The following CHMP5 variants were observed in gnomAD, a reference collection of about 807,000 sequenced individuals.
CHMP5 encodes the protein SNF7 domain containing 2.
Under a neutral mutation model 33.0 loss-of-function variants are expected in CHMP5, and 17 were observed. That is an observed-to-expected ratio of 0.52 (90% CI 0.35 to 0.77). The LOEUF (loss-of-function observed/expected upper bound fraction) is 0.77. CHMP5 is among the 30% of genes least tolerant of loss of function. The pLI is 0.01. For missense variants in CHMP5, 216 were observed against 261.5 expected, an observed-to-expected ratio of 0.83 and a Z score of 1.20; for synonymous variants, 76 against 90.2, an observed-to-expected ratio of 0.84 and a Z score of 0.89.
Position 33,279,073 on chromosome 9 carries a change from C to T in CHMP5, c.609+848C>T, listed in dbSNP as rs1418149298. 2.6e-5 allele frequency among the ~76,000 whole-genome samples: 4 copies of T among 152,196 alleles called. No homozygotes were observed. The East Asian group carries it at 5.8e-4, about 22-fold the overall frequency. ...CCAGGTAGCTGCGATTACAGGTGCG[C>T]GCCAACATGCCTGGCTAATTTTTGT... On this transcript the variant is annotated intron_variant, in intron 7 of 7. Coordinates refer to ENST00000223500, the MANE Select transcript of CHMP5 (RefSeq NM_016410.6).
chr9:33,271,157 T>C lies in CHMP5; in HGVS notation c.321T>C (p.Asp107=), dbSNP rs769705548. 1 of 1,611,598 alleles carries C rather than the reference T, an allele frequency of 6.2e-7. No individual in the cohort carries two copies. Among genetic ancestry groups the C allele is most frequent in the South Asian group, 1.1e-5 (1 of 91,024 alleles). The stretch of plus-strand genomic sequence containing the variant: ...TTTCTTCTTCCTTTTCTTAGGTTGA[T>C]GCTATGAAACTGGGAGTAAAGGAAA... ...QSLKDTKTTV[D]AMKLGVKEMK... Residue 107 remains aspartate (D), a synonymous_variant, in exon 5 of 8, where the codon GAT becomes GAC. Transcript: ENST00000223500.
In CHMP5 at chr9:33,280,983, T is replaced by C. The variant is rs1056466768; in HGVS notation, c.*124T>C. 1 of 645,660 alleles carries C rather than the reference T, an allele frequency of 1.5e-6. No homozygotes were observed. The highest frequency in any genetic ancestry group is 1.9e-5 in the African/African-American group (1 of 53,282). 40.0% of individuals were successfully genotyped at this position (645,660 alleles called of 1,614,324 possible). On this transcript the variant is annotated 3_prime_UTR_variant, in exon 8 of 8. Transcript: ENST00000223500. ...TCCTTTCTTTGAAGGAAAGTTTAATTACATTGCTCTTTTATTTTTTCCATT... is the reference window on the plus strand; with the variant it reads ...TCCTTTCTTTGAAGGAAAGTTTAATCACATTGCTCTTTTATTTTTTCCATT...
intron 7 of CHMP5, among the ~76,000 whole-genome samples, chr9:33,278,984 C>T (rs375541417): frequency 2.6e-5 from 4 of 152,068 alleles, no homozygotes; most frequent in Non-Finnish European, 5.9e-5. Flanking sequence ...AGTGCAGTGG[C>T]GTGATCTCAG....
At chr9:33,279,593 G>A (rs1336385405) in intron 7 of CHMP5, among the ~76,000 whole-genome samples, 2 of 152,094 alleles carry the variant, frequency 1.3e-5, no homozygotes, top group Non-Finnish European at 2.9e-5. Flanking sequence ...GCCAGGCGCG[G>A]TGGCTCAAGC....
At chr9:33,270,362 C>T (rs1199290817) in intron 3 of CHMP5, among the ~76,000 whole-genome samples, 2 of 152,180 alleles carry the variant, frequency 1.3e-5, no homozygotes, top group Admixed American at 1.3e-4. Context: ...TGCCTAACAA[C>T]ATATTTCTCA....
At chr9:33,277,235 G>C (rs1347803133) in intron 6 of CHMP5, among the ~76,000 whole-genome samples, 8 of 149,676 alleles carry the variant, frequency 5.3e-5, no homozygotes, top group Non-Finnish European at 1.2e-4. Context: ...CAAATACTTA[G>C]TGTGCATCTA....
intron 5 of CHMP5, among the ~76,000 whole-genome samples, chr9:33,272,236 C>G (rs1437898533): frequency 2.0e-5 from 3 of 151,974 alleles, no homozygotes; most frequent in African/African-American, 7.3e-5. Flanking sequence ...GCGCTCTTGA[C>G]CTTTACCCCC....
Position 33,265,093 on chromosome 9 carries a change from C to A in CHMP5, c.15C>A (p.Phe5Leu). The change falls in exon 1 of 8, where the codon TTC becomes TTA. Residue 5 changes from phenylalanine (F) to leucine (L), a missense_variant. Coordinates refer to ENST00000223500, the MANE Select transcript of CHMP5 (RefSeq NM_016410.6). MNRL[F>L]GKAKPKAPPP... ...GGCTGCTCAAGATGAACCGACTCTT[C>A]GGGAAAGCGAAACCCAAGGCTCCGC... The A allele has an allele frequency of 1.2e-6, 2 of 1,614,206 alleles. No homozygotes were observed. Among genetic ancestry groups the A allele is most frequent in the Non-Finnish European group, 1.7e-6 (2 of 1,180,030 alleles).
intron 3 of CHMP5, among the ~76,000 whole-genome samples, chr9:33,268,930 C>T (rs114339176): frequency 6.6e-6 from 1 of 152,026 alleles, no homozygotes; most frequent in Non-Finnish European, 1.5e-5. Flanking sequence ...TTTCCTTTTC[C>T]ACTTAATGTT....
At position 33,278,144 on chromosome 9, in the gene CHMP5, T is replaced by G; in HGVS notation, c.528T>G (p.Ala176=). ...ELDALGDELL[A]DEDSSYLDEA... ...ATGCACTAGGTGATGAGCTTCTGGC[T>G]GATGAAGACAGTTCTTATTTGGATG... is the stretch of plus-strand genomic sequence containing the variant. Residue 176 remains alanine, a synonymous_variant, in exon 7 of 8, where the codon GCT becomes GCG. Coordinates refer to ENST00000223500, the MANE Select transcript of CHMP5 (RefSeq NM_016410.6). 6.2e-7 allele frequency: 1 copy of G among 1,612,558 alleles called. No homozygotes were observed. Among genetic ancestry groups the G allele is most frequent in the Non-Finnish European group, 8.5e-7 (1 of 1,179,076 alleles).
chr9:33,271,194 T>A lies in CHMP5; in HGVS notation c.358T>A (p.Tyr120Asn). 1 of 1,614,018 alleles carries A rather than the reference T, an allele frequency of 6.2e-7. No homozygotes were observed. Among genetic ancestry groups the A allele is most frequent in the Non-Finnish European group, 8.5e-7 (1 of 1,179,878 alleles). Residue 120 changes from tyrosine to asparagine, a missense_variant, in exon 5 of 8, where the codon TAC becomes AAC. Physicochemically the swap from Tyr to Asn is moderately radical, Grantham distance 143. Transcript: ENST00000223500. ...KLGVKEMKKA[Y>N]KQVKIDQIED... ...GGGAGTAAAGGAAATGAAGAAGGCA[T>A]ACAAGCAAGTGAAGATCGACCAGAT... is the stretch of plus-strand genomic sequence containing the variant.
chr9:33,278,779 C>A (rs1308249577), intron 7 of CHMP5, among the ~76,000 whole-genome samples: 1 of 152,146 alleles, frequency 6.6e-6, no homozygotes, highest in East Asian at 1.9e-4. Context: ...CTAAGTATGA[C>A]TAATTACTTA....
chr9:33,276,412 A>G, intron 5 of CHMP5, 44 bp from the exon 6 acceptor site: 2 of 1,132,792 alleles, frequency 1.8e-6, no homozygotes, highest in Non-Finnish European at 1.3e-6. Flanking sequence ...TAGTTAAAAG[A>G]AAATGGTAAA....
intron 7 of CHMP5, among the ~76,000 whole-genome samples, chr9:33,280,571 T>G (rs1820910249): frequency 6.6e-6 from 1 of 152,204 alleles, no homozygotes; most frequent in African/African-American, 2.4e-5. Context: ...TCTTTCTCCC[T>G]CTTTCACTCT....
At chr9:33,267,398 G>A (rs980092263) in intron 2 of CHMP5, among the ~76,000 whole-genome samples, 1 of 152,212 alleles carries the variant, frequency 6.6e-6, no homozygotes, top group African/African-American at 2.4e-5. Context: ...ACAACAGAAA[G>A]AGGAAAGATA....
intron 6 of CHMP5, chr9:33,277,718 A>C (rs1820872319): frequency 6.2e-6 from 1 of 160,550 alleles, no homozygotes; most frequent in South Asian, 1.7e-4. Context: ...TTCTAGCATG[A>C]GTAACTGGGT....
chr9:33,273,223 C>T (rs1370914282), intron 5 of CHMP5, among the ~76,000 whole-genome samples: 5 of 152,104 alleles, frequency 3.3e-5, no homozygotes, highest in Non-Finnish European at 7.3e-5. Context: ...CCGCCCACCT[C>T]GGCCTCCCAA....
intron 5 of CHMP5, among the ~76,000 whole-genome samples, chr9:33,272,939 T>G (rs1820812250): frequency 6.6e-6 from 1 of 152,202 alleles, no homozygotes; most frequent in Non-Finnish European, 1.5e-5. Flanking sequence ...CTCTAAGAGC[T>G]TCACTGATGA....
intron 2 of CHMP5, 57 bp from the exon 3 acceptor site, chr9:33,267,796 C>G (rs1437036660): frequency 8.3e-7 from 1 of 1,200,854 alleles, no homozygotes; most frequent in Non-Finnish European, 1.2e-6. Flanking sequence ...TGGGAAATTT[C>G]TTTTACCGTA....
Sources: allele counts gnomAD v4.1 joint callset (sites outside exome capture counted in the v4.1 genomes callset), GRCh38; gene constraint gnomAD v4.1.1; transcripts MANE v1.5; gene names NCBI Gene and HGNC (gene_info 2026-07-23, HGNC 2026-07-21).